Variants in LIPI observed in about 807,000 individuals in gnomAD.
LIPI encodes lipase I, also known as lipase member I.
In LIPI, 59 loss-of-function variants were observed where a neutral mutation model predicts 50.6. The ratio of observed to expected loss-of-function variants is 1.16; its 90% CI spans 0.94 to 1.45. The LOEUF is 1.45. Ranked by LOEUF, LIPI falls within the 40% of genes most tolerant of loss-of-function variation. The pLI is 0.00. For missense variants in LIPI, 586 were observed against 536.3 expected, an observed-to-expected ratio of 1.09 and a Z score of -0.92; for synonymous variants, 203 against 178.2, an observed-to-expected ratio of 1.14 and a Z score of -1.11.
At chr21:14,172,400 T>C (rs540546724) in intron 4 of LIPI, among the ~76,000 whole-genome samples, 10 of 152,260 alleles carry the variant, frequency 6.6e-5, no homozygotes, top group African/African-American at 2.2e-4. Context: ...TCATGCTGCT[T>C]AAAGACACAT....
intron 9 of LIPI, among the ~76,000 whole-genome samples, chr21:14,119,556 A>G (rs1332079130): frequency 6.6e-6 from 1 of 152,142 alleles, no homozygotes; most frequent in Non-Finnish European, 1.5e-5. Context: ...ACTCACTCCT[A>G]GCAAAACCTT....
At chr21:14,171,450 A>G (rs2018903533) in intron 4 of LIPI, among the ~76,000 whole-genome samples, 1 of 151,084 alleles carries the variant, frequency 6.6e-6, no homozygotes, top group African/African-American at 2.4e-5. Context: ...GCATCACGCT[A>G]CCTGACTTCA....
chr21:14,157,576 ATGAGAAAAAGTTT>A (rs894925254), intron 7 of LIPI, among the ~76,000 whole-genome samples: 2 of 152,038 alleles, frequency 1.3e-5, no homozygotes, highest in African/African-American at 4.8e-5. Flanking sequence ...AGAGTATAAA[ATGAGAAAAAGTTT>A]TGAGGCCTGG....
At chr21:14,198,649 C>A (rs373694010) in intron 1 of LIPI, among the ~76,000 whole-genome samples, 1 of 152,086 alleles carries the variant, frequency 6.6e-6, no homozygotes. Flanking sequence ...CAAAGAGACT[C>A]AGAATCCCAC....
intron 2 of LIPI, among the ~76,000 whole-genome samples, chr21:14,186,404 G>A (rs2019457984): frequency 6.6e-6 from 1 of 152,052 alleles, no homozygotes; most frequent in Admixed American, 6.6e-5. Flanking sequence ...ACCTCGATAT[G>A]GGCCTTACAA....
chr21:14,183,465 A>T (rs1250479373), intron 3 of LIPI, among the ~76,000 whole-genome samples: 1 of 152,256 alleles, frequency 6.6e-6, no homozygotes, highest in African/African-American at 2.4e-5. Context: ...AAAAGCCAAA[A>T]TTGAGAAATG....
chr21:14,164,976 C>A (rs1432640487), intron 6 of LIPI, among the ~76,000 whole-genome samples: 1 of 152,164 alleles, frequency 6.6e-6, no homozygotes, highest in Non-Finnish European at 1.5e-5. Flanking sequence ...ATAAAGCCAT[C>A]TAATCTGCCC....
intron 1 of LIPI, among the ~76,000 whole-genome samples, chr21:14,196,871 C>T (rs1158201322): frequency 6.6e-6 from 1 of 151,878 alleles, no homozygotes; most frequent in African/African-American, 2.4e-5. Flanking sequence ...AATGTGTGTA[C>T]ATTTTATTGT....
intron 1 of LIPI, among the ~76,000 whole-genome samples, chr21:14,207,382 T>C (rs1290829535): frequency 6.6e-6 from 1 of 152,184 alleles, no homozygotes; most frequent in Non-Finnish European, 1.5e-5. Context: ...CACTATGCAT[T>C]ATATCTATCA....
intron 9 of LIPI, among the ~76,000 whole-genome samples, chr21:14,119,382 T>C (rs934799460): frequency 6.6e-6 from 1 of 152,184 alleles, no homozygotes; most frequent in African/African-American, 2.4e-5. Flanking sequence ...CACAGATCTG[T>C]GGCCAAGGAG....
intron 9 of LIPI, among the ~76,000 whole-genome samples, chr21:14,135,892 AAAAGACCCCTT>A (rs2017480222): frequency 6.6e-6 from 1 of 152,128 alleles, no homozygotes; most frequent in Non-Finnish European, 1.5e-5. Context: ...TGGCTCCAAA[AAAAGACCCCTT>A]CTTCCCACTT....
chr21:14,168,330 A>C (rs9680199), intron 4 of LIPI, among the ~76,000 whole-genome samples: 131,071 of 152,050 alleles, frequency 0.86, 56,961 homozygotes, highest in East Asian at 0.98. Context: ...TCTAGCGAGG[A>C]AGGCCAACAT....
Position 14,152,657 on chromosome 21 carries a change from A to G in LIPI, c.1034T>C (p.Val345Ala). 1 of 1,522,768 alleles carries G rather than the reference A, an allele frequency of 6.6e-7. No individual in the cohort carries two copies. The highest frequency in any genetic ancestry group is 9.1e-7 in the Non-Finnish European group (1 of 1,098,980). The allele number at this position is 1,522,768 out of a possible 1,614,324, so 94.3% of individuals were successfully genotyped here. A position where few individuals can be genotyped will look rare whatever the true frequency, so the allele number is the denominator to read the frequency against. ...CTYYFVLSII[V>A]PDKTMMDGSF... ...GCCATCCATCATAGTTTTATCTGGA[A>G]CAATTATACTGAGAACAAAATAATA... Residue 345 changes from valine (V) to alanine (A), a missense_variant, in exon 8 of 10, where the codon GTT becomes GCT. Physicochemically the swap from Val to Ala is moderately conservative, Grantham distance 64. Coordinates refer to ENST00000681601, the MANE Select transcript of LIPI (RefSeq NM_001302998.2).
intron 9 of LIPI, among the ~76,000 whole-genome samples, chr21:14,118,848 ACTTAAAATGG>A (rs2016754893): frequency 6.6e-6 from 1 of 152,110 alleles, no homozygotes; most frequent in African/African-American, 2.4e-5. Context: ...ATTGCAAAAC[ACTTAAAATGG>A]CTCCTTGAAT....
chr21:14,144,318 T>C lies in LIPI; in HGVS notation c.1295+305A>G, dbSNP rs2017822624. 3.6e-5 allele frequency: 8 copies of C among 224,602 alleles called. No individual in the cohort carries two copies. In the South Asian group the frequency reaches 6.0e-4, roughly 17 times the overall value. The allele number at this position is 224,602 out of a possible 1,614,324, so 13.9% of individuals were successfully genotyped here. On this transcript the variant is annotated intron_variant, in intron 9 of 9. Coordinates refer to ENST00000681601, the MANE Select transcript of LIPI (RefSeq NM_001302998.2). ...TCACCAGTCTGTTAATATGTATGTA[T>C]ATGAAAGAAATTACTGGTAAACTTC... is the stretch of plus-strand genomic sequence containing the variant.
chr21:14,192,231 G>A (rs1162121466), intron 1 of LIPI, among the ~76,000 whole-genome samples: 4 of 152,198 alleles, frequency 2.6e-5, no homozygotes, highest in Non-Finnish European at 4.4e-5. Context: ...TTGGGAGGCC[G>A]AGCTGGGTGG....
chr21:14,111,529 A>G (rs2016413470), intron 9 of LIPI, among the ~76,000 whole-genome samples: 1 of 152,040 alleles, frequency 6.6e-6, no homozygotes, highest in Non-Finnish European at 1.5e-5. Flanking sequence ...AATTTCTCCC[A>G]TTCTGTAGAT....
chr21:14,193,648 T>C (rs1399213998), intron 1 of LIPI, among the ~76,000 whole-genome samples: 1 of 151,922 alleles, frequency 6.6e-6, no homozygotes, highest in African/African-American at 2.4e-5. Flanking sequence ...GAGACAAATA[T>C]ATTAAAATGC....
rs1350426626 is a variant in LIPI, at chr21:14,161,817, T to C, written c.1006+1602A>G. The stretch of plus-strand genomic sequence containing the variant: ...TTATTATATATTAATGTATAATATA[T>C]ACAAATATATATTAATATATAATAT... On this transcript the variant is annotated intron_variant, in intron 7 of 9. Transcript: ENST00000681601. 7.4e-5 allele frequency among the ~76,000 whole-genome samples: 2 copies of C among 27,158 alleles called. 1 individual carries two copies. Among genetic ancestry groups the C allele is most frequent in the Non-Finnish European group, 1.1e-4 (2 of 18,616 alleles). 17.8% of individuals were successfully genotyped at this position (27,158 alleles called of 152,430 possible).
Sources: allele counts gnomAD v4.1 joint callset (sites outside exome capture counted in the v4.1 genomes callset), GRCh38; gene constraint gnomAD v4.1.1; transcripts MANE v1.5; gene names NCBI Gene and HGNC (gene_info 2026-07-23, HGNC 2026-07-21).